The following PRELID2 variants were observed in gnomAD, a reference collection of about 807,000 sequenced individuals.
PRELID2 encodes the protein PRELI domain-containing protein 2.
PRELID2 carries 25 observed loss-of-function variants against 28.4 expected under a neutral mutation model. The observed-to-expected ratio is 0.88, with a 90% CI of 0.64 to 1.23. The LOEUF is 1.23. PRELID2 is among the 50% of genes most tolerant of loss of function. The pLI, the probability that PRELID2 is intolerant of heterozygous loss-of-function variation, is 0.00. For synonymous variants in PRELID2, 76 were observed against 71.6 expected, an observed-to-expected ratio of 1.06 and a Z score of -0.31; for missense variants, 201 against 214.4, an observed-to-expected ratio of 0.94 and a Z score of 0.39.
the PRELID2 span, among the ~76,000 whole-genome samples, chr5:145,300,909 C>T: frequency 6.6e-6 from 1 of 151,740 alleles, no homozygotes; most frequent in African/African-American, 2.4e-5. Context: ...TAAGCCAAAC[C>T]TACAGAACAA....
At chr5:145,636,946 C>CT (rs991872401) in intron 1 of PRELID2, among the ~76,000 whole-genome samples, 32 of 152,126 alleles carry the variant, frequency 2.1e-4, no homozygotes, top group African/African-American at 7.2e-4. Context: ...CAAAACTTAT[C>CT]TTTTTATCAA....
chr5:145,798,982 C>G (rs1432520176), intron 4 of PRELID2, among the ~76,000 whole-genome samples: 1 of 151,536 alleles, frequency 6.6e-6, no homozygotes, highest in Admixed American at 6.6e-5. Flanking sequence ...TGCATCAAAC[C>G]TGCACGTTGT....
At chr5:145,499,984 C>A (rs746209492) in intron 1 of PRELID2, among the ~76,000 whole-genome samples, 4 of 152,186 alleles carry the variant, frequency 2.6e-5, no homozygotes, top group Non-Finnish European at 4.4e-5. Flanking sequence ...AGGCTTGGTG[C>A]TTTGAGCTAG....
the PRELID2 span, among the ~76,000 whole-genome samples, chr5:145,287,725 GA>G: frequency 2.6e-5 from 4 of 152,198 alleles, no homozygotes; most frequent in African/African-American, 9.6e-5. Context: ...ATAATTTAAT[GA>G]ATCAATACTG....
At position 145,625,407 on chromosome 5, in the gene PRELID2, C is replaced by T. The variant is rs147046700; in HGVS notation, n.70+139524G>A. Reference sequence around the variant, plus strand: ...TGAAAATGAATGAACTGTAGCTGTGCACATCATCATGAATAAACCTTAGAA... The same window carrying T: ...TGAAAATGAATGAACTGTAGCTGTGTACATCATCATGAATAAACCTTAGAA... On this transcript the variant is annotated intron_variant and non_coding_transcript_variant, in intron 1 of 2. Coordinates refer to the PRELID2 transcript ENST00000510259. Among the ~76,000 whole-genome samples, 196 of 152,150 alleles carry T rather than the reference C, an allele frequency of 1.3e-3. 2 individuals carry two copies. The highest frequency in any genetic ancestry group is 4.6e-3 in the African/African-American group (192 of 41,540).
intron 1 of PRELID2, among the ~76,000 whole-genome samples, chr5:145,825,605 C>G (rs1409730283): frequency 6.6e-6 from 1 of 152,022 alleles, no homozygotes; most frequent in Non-Finnish European, 1.5e-5. Flanking sequence ...ATGTAAACAC[C>G]AGGGAGACAT....
At position 145,808,240 on chromosome 5, in the gene PRELID2, G is replaced by C. The variant is rs77421016; in HGVS notation, c.368+9654C>G. On this transcript the variant is annotated intron_variant, in intron 4 of 6. Coordinates refer to ENST00000683046, the MANE Select transcript of PRELID2 (RefSeq NM_205846.3). ...TAGAAATAATTCCTAAGTCAGCAGAGCCAGAGTGTTTTAATACTTCAGTAA... is the reference window on the plus strand; with the variant it reads ...TAGAAATAATTCCTAAGTCAGCAGACCCAGAGTGTTTTAATACTTCAGTAA... 7.6e-3 allele frequency among the ~76,000 whole-genome samples: 1,159 copies of C among 152,190 alleles called. 24 individuals carry two copies. Among genetic ancestry groups the C allele is most frequent in the African/African-American group, 0.026 (1,096 of 41,508 alleles).
chr5:145,402,408 T>C, the PRELID2 span, among the ~76,000 whole-genome samples: 2 of 152,184 alleles, frequency 1.3e-5, no homozygotes, highest in South Asian at 2.1e-4. Flanking sequence ...TGTTTATATA[T>C]GAAACATGTG....
At chr5:145,317,080 T>C in the PRELID2 span, among the ~76,000 whole-genome samples, 1 of 152,288 alleles carries the variant, frequency 6.6e-6, no homozygotes, top group Admixed American at 6.5e-5. Flanking sequence ...GCTTTAATTG[T>C]CAGGTTGCAG....
intron 1 of PRELID2, among the ~76,000 whole-genome samples, chr5:145,576,548 G>A (rs1188418794): frequency 6.6e-6 from 1 of 151,966 alleles, no homozygotes; most frequent in African/African-American, 2.4e-5. Flanking sequence ...TAATATGGCA[G>A]AATAGAACTC....
chr5:145,399,121 T>C, the PRELID2 span, among the ~76,000 whole-genome samples: 2 of 152,144 alleles, frequency 1.3e-5, no homozygotes, highest in South Asian at 2.1e-4. Flanking sequence ...AAATCTCCCA[T>C]ATATTCTTAC....
the PRELID2 span, among the ~76,000 whole-genome samples, chr5:145,265,287 A>G: frequency 3.9e-5 from 6 of 152,144 alleles, no homozygotes; most frequent in African/African-American, 1.4e-4. Flanking sequence ...CTACAAGGAA[A>G]ACTCCAAAAC....
chr5:145,600,431 A>AT (rs1210664986), intron 1 of PRELID2, among the ~76,000 whole-genome samples: 41 of 125,076 alleles, frequency 3.3e-4, no homozygotes, highest in African/African-American at 1.1e-3. Flanking sequence ...AAAAAAAAAA[A>AT]AAAATATATA....
At chr5:145,661,903 A>G (rs1482292926) in intron 1 of PRELID2, among the ~76,000 whole-genome samples, 1 of 152,086 alleles carries the variant, frequency 6.6e-6, no homozygotes, top group East Asian at 1.9e-4. Context: ...GAGATAATAA[A>G]CATCTCAGAA....
chr5:145,290,392 C>T, the PRELID2 span, among the ~76,000 whole-genome samples: 919 of 148,858 alleles, frequency 6.2e-3, 20 homozygotes, highest in East Asian at 0.044. Flanking sequence ...AAATGTGGCA[C>T]ATATACACCA....
intron 5 of PRELID2, among the ~76,000 whole-genome samples, chr5:145,793,148 C>T (rs1421993339): frequency 2.0e-5 from 3 of 152,118 alleles, no homozygotes; most frequent in Non-Finnish European, 4.4e-5. Context: ...TCCCAAATTC[C>T]AAGTTACCTC....
At chr5:145,422,269 T>C in the PRELID2 span, among the ~76,000 whole-genome samples, 35 of 151,266 alleles carry the variant, frequency 2.3e-4, no homozygotes, top group African/African-American at 8.3e-4. Flanking sequence ...CAGAGCTGAG[T>C]TCAATTCCTG....
the PRELID2 span, among the ~76,000 whole-genome samples, chr5:145,425,888 C>A: frequency 6.6e-6 from 1 of 152,128 alleles, no homozygotes; most frequent in Non-Finnish European, 1.5e-5. Context: ...AAAAAACCAA[C>A]TATGCCTTCC....
At chr5:145,733,583 C>T (rs562273868) in intron 1 of PRELID2, among the ~76,000 whole-genome samples, 1 of 152,330 alleles carries the variant, frequency 6.6e-6, no homozygotes, top group Admixed American at 6.5e-5. Flanking sequence ...TAACATATTT[C>T]TGAAGCAATC....
Sources: allele counts gnomAD v4.1 joint callset (sites outside exome capture counted in the v4.1 genomes callset), GRCh38; gene constraint gnomAD v4.1.1; transcripts MANE v1.5; gene names NCBI Gene and HGNC (gene_info 2026-07-23, HGNC 2026-07-21).